PVT1: variants seen among roughly 807,000 people sequenced by gnomAD.
The protein encoded by PVT1 is CXCR4/PVT1 fusion.
intron 4 of PVT1, among the ~76,000 whole-genome samples, chr8:127,992,237 T>G (rs13261387): frequency 0.13 from 19,124 of 151,810 alleles, 1,545 homozygotes; most frequent in Non-Finnish European, 0.18. Flanking sequence ...AATACAAAGA[T>G]TAGCCAGGCA....
chr8:127,863,226 T>C (rs1815248858), intron 2 of PVT1, among the ~76,000 whole-genome samples: 1 of 151,978 alleles, frequency 6.6e-6, no homozygotes, highest in Admixed American at 6.6e-5. Context: ...ATTATCCTGC[T>C]TCAGCCTCCC....
At chr8:128,003,125 C>A (rs1229852283) in intron 4 of PVT1, among the ~76,000 whole-genome samples, 1 of 150,762 alleles carries the variant, frequency 6.6e-6, no homozygotes, top group East Asian at 2.0e-4. Flanking sequence ...CCTAAGCCTC[C>A]CGAGTAGCTG....
intron 2 of PVT1, among the ~76,000 whole-genome samples, chr8:127,813,064 A>G (rs1416219906): frequency 1.3e-5 from 2 of 151,200 alleles, no homozygotes; most frequent in Non-Finnish European, 2.9e-5. Context: ...ATGGCATTAT[A>G]TAGATATTAA....
At chr8:127,837,322 G>T (rs999246883) in intron 2 of PVT1, among the ~76,000 whole-genome samples, 1 of 151,764 alleles carries the variant, frequency 6.6e-6, no homozygotes, top group Non-Finnish European at 1.5e-5. Flanking sequence ...ACCTGTAAAA[G>T]GAAAAAAGAA....
At chr8:127,899,520 C>T (rs972660337) in intron 3 of PVT1, among the ~76,000 whole-genome samples, 8 of 152,158 alleles carry the variant, frequency 5.3e-5, no homozygotes, top group African/African-American at 1.9e-4. Flanking sequence ...GTGCCCCTCA[C>T]GCGCTTGTTG....
At chr8:127,828,934 C>A (rs573059179) in intron 2 of PVT1, among the ~76,000 whole-genome samples, 109 of 152,204 alleles carry the variant, frequency 7.2e-4, no homozygotes, top group Non-Finnish European at 1.0e-3. Context: ...AACTTGTTAG[C>A]ATCTGAGACA....
intron 3 of PVT1, among the ~76,000 whole-genome samples, chr8:127,944,221 A>G (rs1294378548): frequency 2.0e-5 from 3 of 152,236 alleles, no homozygotes; most frequent in African/African-American, 7.2e-5. Flanking sequence ...CCAAAGTGCT[A>G]GTATTATAGG....
chr8:127,847,360 C>T (rs1163177345), intron 2 of PVT1, among the ~76,000 whole-genome samples: 6 of 152,170 alleles, frequency 3.9e-5, no homozygotes, highest in Admixed American at 2.0e-4. Context: ...TGTTGCTGGA[C>T]GGAATGCAAG....
At chr8:127,915,707 C>CCATTCTA (rs1815976299) in intron 3 of PVT1, among the ~76,000 whole-genome samples, 2 of 152,000 alleles carry the variant, frequency 1.3e-5, no homozygotes, top group South Asian at 4.1e-4. Context: ...TTCATTAGCC[C>CCATTCTA]CATTCTACAG....
At chr8:128,028,418 G>C (rs1813346643) in intron 4 of PVT1, among the ~76,000 whole-genome samples, 1 of 152,214 alleles carries the variant, frequency 6.6e-6, no homozygotes, top group African/African-American at 2.4e-5. Flanking sequence ...GAAGCCCTCT[G>C]GTTTGTCCCA....
At chr8:127,859,700 G>A (rs1778932318) in intron 2 of PVT1, among the ~76,000 whole-genome samples, 1 of 152,018 alleles carries the variant, frequency 6.6e-6, no homozygotes, top group South Asian at 2.1e-4. Flanking sequence ...AGAAATCTGT[G>A]CAGGAGTCAG....
At position 127,845,498 on chromosome 8, in the gene PVT1, T is replaced by G. The variant is rs144989361; in HGVS notation, n.373-45091T>G. Among the ~76,000 whole-genome samples the G allele has an allele frequency of 7.1e-3, 1,083 of 151,804 alleles. 10 individuals carry two copies. Among genetic ancestry groups the G allele is most frequent in the Non-Finnish European group, 1.0e-2 (679 of 68,024 alleles). ...ACAGTATTTGAAGCATTTGAAAGCC[T>G]AGACCCATCGTACGCTGAAACAGAG... is the stretch of plus-strand genomic sequence containing the variant. On this transcript the variant is annotated intron_variant and non_coding_transcript_variant, in intron 2 of 10. Coordinates refer to ENST00000651587, the Ensembl canonical transcript of PVT1.
At chr8:128,010,887 G>C (rs190596597) in intron 4 of PVT1, among the ~76,000 whole-genome samples, 16 of 152,292 alleles carry the variant, frequency 1.1e-4, no homozygotes, top group Admixed American at 7.2e-4. Flanking sequence ...CGTGTTTATT[G>C]CTGCTGTGAT....
At chr8:128,050,022 A>G (rs935373527) in intron 4 of PVT1, among the ~76,000 whole-genome samples, 1 of 151,938 alleles carries the variant, frequency 6.6e-6, no homozygotes, top group Non-Finnish European at 1.5e-5. Context: ...GTGATTTGGA[A>G]CTATAGCCTC....
intron 3 of PVT1, among the ~76,000 whole-genome samples, chr8:127,931,194 C>T (rs1816202069): frequency 6.6e-6 from 1 of 152,210 alleles, no homozygotes; most frequent in African/African-American, 2.4e-5. Flanking sequence ...GTGTGAGCCA[C>T]TGCACCTGGC....
intron 2 of PVT1, among the ~76,000 whole-genome samples, chr8:127,879,281 C>T (rs774683101): frequency 6.6e-6 from 1 of 152,234 alleles, no homozygotes; most frequent in Non-Finnish European, 1.5e-5. Flanking sequence ...GTAATCCCAG[C>T]ACTTCGGGAG....
intron 3 of PVT1, chr8:127,947,602 A>G: frequency 2.4e-6 from 1 of 415,184 alleles, no homozygotes; most frequent in Non-Finnish European, 4.8e-6. Context: ...GCAGAATGAA[A>G]GAGTCAGGCA....
intron 2 of PVT1, among the ~76,000 whole-genome samples, chr8:127,888,063 C>G (rs536804425): frequency 7.4e-5 from 11 of 147,654 alleles, no homozygotes; most frequent in African/African-American, 2.7e-4. Context: ...GCCTTAGCCT[C>G]CTGAGTAGCT....
chr8:127,889,318 C>T (rs750921805), intron 2 of PVT1, among the ~76,000 whole-genome samples: 1 of 151,930 alleles, frequency 6.6e-6, no homozygotes, highest in African/African-American at 2.4e-5. Flanking sequence ...TTAGTAGAGA[C>T]AGGGTTTCAC....
Sources: allele counts gnomAD v4.1 joint callset (sites outside exome capture counted in the v4.1 genomes callset), GRCh38; gene constraint gnomAD v4.1.1; transcripts MANE v1.5; gene names NCBI Gene and HGNC (gene_info 2026-07-23, HGNC 2026-07-21).